Variants in GOLGA4 observed in about 807,000 individuals in gnomAD.
GOLGA4 encodes the protein golgin A4.
Under a neutral mutation model 265.9 loss-of-function variants are expected in GOLGA4, and 169 were observed. That is an observed-to-expected ratio of 0.64 (90% confidence interval 0.56 to 0.72). The LOEUF (loss-of-function observed/expected upper bound fraction) is 0.72. GOLGA4 is among the 30% of genes least tolerant of loss of function. The pLI, the probability that GOLGA4 is intolerant of heterozygous loss-of-function variation, is 0.00. For synonymous variants in GOLGA4, 923 were observed against 855.8 expected (o/e 1.08, Z -1.37); for missense variants, 2,482 against 2,483.4 (o/e 1.00, Z 0.01).
At position 37,325,941 on chromosome 3, in the gene GOLGA4, T is replaced by C. The variant is rs2096969163; in HGVS notation, c.4055T>C (p.Ile1352Thr). Residue 1352 changes from isoleucine to threonine, a missense_variant, in exon 14 of 24, where the codon ATC (isoleucine) becomes ACC (threonine). Coordinates refer to ENST00000361924, the MANE Select transcript of GOLGA4 (RefSeq NM_002078.5). Reference protein sequence around the residue: ...TQLKKELSENINAVTLMKEEL... With the variant: ...TQLKKELSENTNAVTLMKEEL... The stretch of plus-strand genomic sequence containing the variant: ...TTGAAGAAAGAGTTATCTGAAAACA[T>C]CAATGCTGTCACATTGATGAAAGAA... 6.2e-7 allele frequency: 1 copy of C among 1,612,036 alleles called. No homozygotes were observed. Among genetic ancestry groups the C allele is most frequent in the Non-Finnish European group, 8.5e-7 (1 of 1,178,596 alleles).
chr3:37,243,743 T>C (rs368665332), intron 1 of GOLGA4, 121 bp downstream of exon 1: 3 of 779,472 alleles, frequency 3.8e-6, no homozygotes, highest in African/African-American at 1.8e-5. Flanking sequence ...CCCGCACTTT[T>C]CCCAAACTCC....
chr3:37,257,543 G>C (rs2096752238), intron 2 of GOLGA4, among the ~76,000 whole-genome samples: 1 of 152,044 alleles, frequency 6.6e-6, no homozygotes, highest in Non-Finnish European at 1.5e-5. Flanking sequence ...GCACGTAGTA[G>C]GTGCTAACTA....
At chr3:37,312,007 A>G (rs906513096) in intron 10 of GOLGA4, among the ~76,000 whole-genome samples, 1 of 152,192 alleles carries the variant, frequency 6.6e-6, no homozygotes, top group Admixed American at 6.5e-5. Flanking sequence ...ACTAGTATTG[A>G]CTACATAGTT....
intron 2 of GOLGA4, among the ~76,000 whole-genome samples, chr3:37,260,176 CA>C (rs1181669687): frequency 5.1e-5 from 7 of 137,960 alleles, no homozygotes; most frequent in Admixed American, 2.9e-4. Context: ...AAAAAAAAAG[CA>C]AAAAAGTCTC....
In GOLGA4 at chr3:37,296,186, G is replaced by C. The variant is rs1261150436; in HGVS notation, c.781G>C (p.Glu261Gln). ...LEPQAEVFTKEENPESDGEPV... is the reference protein window; with the variant it reads ...LEPQAEVFTKQENPESDGEPV... The stretch of plus-strand genomic sequence containing the variant: ...ACCACAGGCTGAAGTCTTCACTAAA[G>C]AAGAGAATCCAGAAAGTGATGGAGA... Residue 261 changes from glutamate (E) to glutamine (Q), a missense_variant, in exon 7 of 24, where the codon GAA becomes CAA. Coordinates refer to ENST00000361924, the MANE Select transcript of GOLGA4 (RefSeq NM_002078.5). 1.2e-6 allele frequency: 2 copies of C among 1,614,110 alleles called. No homozygotes were observed. The highest frequency in any genetic ancestry group is 1.7e-6 in the Non-Finnish European group (2 of 1,179,964).
intron 2 of GOLGA4, among the ~76,000 whole-genome samples, chr3:37,255,456 C>T (rs907082223): frequency 5.9e-5 from 9 of 152,236 alleles, no homozygotes; most frequent in Admixed American, 5.9e-4. Context: ...AGTCACCACG[C>T]CTGACCTTTA....
At chr3:37,271,749 C>T (rs775747073) in intron 2 of GOLGA4, among the ~76,000 whole-genome samples, 1 of 152,110 alleles carries the variant, frequency 6.6e-6, no homozygotes, top group East Asian at 1.9e-4. Flanking sequence ...CAGTGCTTCC[C>T]AACCTCCAGG....
At chr3:37,302,064 T>G in intron 9 of GOLGA4, 121 bp from the exon 10 acceptor site, 1 of 793,984 alleles carries the variant, frequency 1.3e-6, no homozygotes. Flanking sequence ...GCTGGGATTA[T>G]GGACATGAGT....
At position 37,329,064 on chromosome 3, in the gene GOLGA4, A is replaced by G. The variant is rs368700337; in HGVS notation, c.6163A>G (p.Thr2055Ala). 7 of 1,610,160 alleles carry G rather than the reference A, an allele frequency of 4.3e-6. No individual in the cohort carries two copies. Among genetic ancestry groups the G allele is most frequent in the Non-Finnish European group, 5.9e-6 (7 of 1,178,416 alleles). ...TGAGAAAGATGATGATCTAAAACGA[A>G]CAGCCAAAAGATATGAAGAAATCCT... The part of the protein sequence containing the change: ...IAEKDDDLKR[T>A]AKRYEEILDA... Residue 2055 changes from threonine to alanine, a missense_variant, in exon 16 of 24, where the codon ACA (threonine) becomes GCA (alanine). Thr to Ala is a moderately conservative substitution (Grantham distance 58, BLOSUM62 0). This residue lies in a region of GOLGA4 where 942 missense variants were observed against 983.1 expected (regional missense o/e 0.96). Transcript: ENST00000361924.
intron 10 of GOLGA4, among the ~76,000 whole-genome samples, chr3:37,309,608 T>C (rs897214923): frequency 6.6e-6 from 1 of 152,166 alleles, no homozygotes; most frequent in African/African-American, 2.4e-5. Flanking sequence ...CAGTTATAAA[T>C]CCATTACATG....
chr3:37,263,283 A>G (rs2096774896), intron 2 of GOLGA4, among the ~76,000 whole-genome samples: 1 of 152,170 alleles, frequency 6.6e-6, no homozygotes, highest in African/African-American at 2.4e-5. Context: ...TTGTGTAAGT[A>G]TGCTTGTCCA....
intron 23 of GOLGA4, among the ~76,000 whole-genome samples, chr3:37,362,479 A>G (rs994987719): frequency 1.3e-5 from 2 of 151,076 alleles, no homozygotes; most frequent in African/African-American, 2.4e-5. Flanking sequence ...TGACCTCGTG[A>G]TCCGCCCGCC....
rs1220835698 is a variant in GOLGA4 at position 37,337,561 on chromosome 3, G to A, written c.6328-105G>A. The A allele has an allele frequency of 1.1e-5, 8 of 745,070 alleles. No individual in the cohort carries two copies. The Admixed American group carries it at 1.7e-4, about 15-fold the overall frequency. The allele number at this position is 745,070 out of a possible 1,614,324, so 46.2% of individuals were successfully genotyped here. A position where few individuals can be genotyped will look rare whatever the true frequency, so the allele number is the denominator to read the frequency against. Reference sequence around the variant, plus strand: ...ATTTTAGGGGTATTCAGTGTTATAAGTTAAAACTTAAAAAGACTAACAAAA... The same window carrying A: ...ATTTTAGGGGTATTCAGTGTTATAAATTAAAACTTAAAAAGACTAACAAAA... On this transcript the variant is annotated intron_variant, in intron 18 of 23. Coordinates refer to ENST00000361924, the MANE Select transcript of GOLGA4 (RefSeq NM_002078.5).
In GOLGA4 at chr3:37,324,995, C is replaced by G; in HGVS notation, c.3109C>G (p.Arg1037Gly). 1 of 1,612,560 alleles carries G rather than the reference C, an allele frequency of 6.2e-7. No individual in the cohort carries two copies. Among genetic ancestry groups the G allele is most frequent in the Non-Finnish European group, 8.5e-7 (1 of 1,178,978 alleles). ...EQIESLTEVH[R>G]RELNDVISIW... ...AATAGAAAGTCTTACTGAGGTTCAT[C>G]GACGAGAACTCAATGATGTCATATC... The change falls in exon 14 of 24, where the codon CGA becomes GGA. Residue 1037 changes from arginine (R) to glycine (G), a missense_variant. Physicochemically the swap from Arg to Gly is moderately radical, Grantham distance 125 (BLOSUM62 -2). Coordinates refer to ENST00000361924, the MANE Select transcript of GOLGA4 (RefSeq NM_002078.5).
chr3:37,294,941 T>C (rs1161181350), intron 5 of GOLGA4, 38 bp from the exon 6 acceptor site: 6 of 1,368,356 alleles, frequency 4.4e-6, no homozygotes, highest in South Asian at 3.7e-5. Flanking sequence ...TTTTTTGTTT[T>C]ATACTGAAAA....
chr3:37,356,107 T>C (rs1309079506), intron 22 of GOLGA4, among the ~76,000 whole-genome samples: 8 of 152,104 alleles, frequency 5.3e-5, no homozygotes, highest in Non-Finnish European at 1.0e-4. Context: ...AGTTCTTGAT[T>C]CTCTTGAGCC....
intron 2 of GOLGA4, among the ~76,000 whole-genome samples, chr3:37,254,676 G>A (rs997750425): frequency 1.3e-5 from 2 of 151,480 alleles, no homozygotes; most frequent in African/African-American, 4.8e-5. Context: ...CTAATTTTTT[G>A]TGTTTTTACT....
intron 16 of GOLGA4, among the ~76,000 whole-genome samples, chr3:37,330,578 C>G (rs995765159): frequency 6.6e-6 from 1 of 152,142 alleles, no homozygotes; most frequent in East Asian, 1.9e-4. Flanking sequence ...CCTTAAAAAT[C>G]TGCTGTATTT....
chr3:37,312,980 G>A (rs1051082172), intron 10 of GOLGA4, among the ~76,000 whole-genome samples: 5 of 152,066 alleles, frequency 3.3e-5, no homozygotes, highest in African/African-American at 4.8e-5. Flanking sequence ...CCAGCGCGAC[G>A]GATCACGAGG....
Sources: allele counts gnomAD v4.1 joint callset (sites outside exome capture counted in the v4.1 genomes callset), GRCh38; gene constraint gnomAD v4.1.1; regional missense constraint gnomAD v4.1.1; transcripts MANE v1.5; gene names NCBI Gene and HGNC (gene_info 2026-07-23, HGNC 2026-07-21).